NLRP1: variants seen among roughly 807,000 people sequenced by gnomAD.
NLRP1 encodes the protein NACHT, LRR and PYD domains-containing protein 1.
A neutral mutation model predicts 136.7 loss-of-function variants in NLRP1; 94 were observed. The observed-to-expected ratio is 0.69, with a 90% CI of 0.58 to 0.82. NLRP1 has a LOEUF of 0.82. Ranked by LOEUF, NLRP1 falls within the 40% of genes least tolerant of loss-of-function variation. The pLI, the probability that NLRP1 is intolerant of heterozygous loss-of-function variation, is 0.00. For missense variants in NLRP1, 1,575 were observed against 1,802.7 expected (o/e 0.87, Z 2.29); for synonymous variants, 690 against 725.1 (o/e 0.95, Z 0.78).
At chr17:5,543,217 T>A (rs1912108537) in intron 5 of NLRP1, among the ~76,000 whole-genome samples, 1 of 151,968 alleles carries the variant, frequency 6.6e-6, no homozygotes, top group South Asian at 2.1e-4. Flanking sequence ...AATAAATGAA[T>A]GAAATAGCCT....
intron 2 of NLRP1, 99 bp from the exon 3 acceptor site, chr17:5,582,161 TTAA>T (rs777526042): frequency 3.6e-5 from 33 of 928,728 alleles, no homozygotes; most frequent in Non-Finnish European, 5.4e-5. Context: ...GAGATGGGTC[TTAA>T]TAATATTATT....
chr17:5,511,755 C>A (rs1907647441), downstream of NLRP1, among the ~76,000 whole-genome samples: 2 of 142,484 alleles, frequency 1.4e-5, no homozygotes, highest in East Asian at 2.4e-4. Context: ...TTTCTCTTTT[C>A]TTTTTCTTTC....
At position 5,567,783 on chromosome 17, in the gene NLRP1, G is replaced by A. The variant is rs1292131098; in HGVS notation, c.653-7740C>T. Among the ~76,000 whole-genome samples the A allele has an allele frequency of 3.9e-5, 6 of 152,090 alleles. No individual in the cohort carries two copies. In the East Asian group the frequency reaches 7.7e-4, roughly 20 times the overall value. On this transcript the variant is annotated intron_variant, in intron 3 of 16. Transcript: ENST00000572272. ...ATGAAATCCTTCAGCTTTTGTTTGG[G>A]AAAATCTTTATTTCTCCTTCATGTT...
intron 15 of NLRP1, among the ~76,000 whole-genome samples, chr17:5,507,295 T>A (rs986297783): frequency 6.6e-6 from 1 of 152,162 alleles, no homozygotes; most frequent in Non-Finnish European, 1.5e-5. Context: ...TTGTTCTCCC[T>A]CAAACTGTCT....
At chr17:5,572,122 G>A (rs1293133957) in intron 3 of NLRP1, among the ~76,000 whole-genome samples, 3 of 152,126 alleles carry the variant, frequency 2.0e-5, no homozygotes, top group Non-Finnish European at 4.4e-5. Flanking sequence ...AGTCTTAAAC[G>A]TAAAACCTAG....
At chr17:5,578,599 A>C (rs996333321) in intron 3 of NLRP1, among the ~76,000 whole-genome samples, 1 of 152,256 alleles carries the variant, frequency 6.6e-6, no homozygotes, top group African/African-American at 2.4e-5. Context: ...AATATTAAAA[A>C]GTCAGGAAAC....
chr17:5,556,233 T>C (rs1340626742), intron 4 of NLRP1, among the ~76,000 whole-genome samples: 1 of 151,842 alleles, frequency 6.6e-6, no homozygotes, highest in Non-Finnish European at 1.5e-5. Context: ...GCAGCTTGCT[T>C]GAGCCCAGGA....
Position 5,558,811 on chromosome 17 carries a change from A to C in NLRP1, c.1885T>G (p.Phe629Val). 6.2e-7 allele frequency: 1 copy of C among 1,614,178 alleles called. No homozygotes were observed. The highest frequency in any genetic ancestry group is 8.5e-7 in the Non-Finnish European group (1 of 1,180,022). Residue 629 changes from phenylalanine to valine, a missense_variant, in exon 4 of 17, where the codon TTC (phenylalanine) becomes GTC (valine). Physicochemically the swap from Phe to Val is conservative, Grantham distance 50. Coordinates refer to ENST00000572272, the MANE Select transcript of NLRP1 (RefSeq NM_033004.4). ...YSFIHLCFQEFFAAMSYVLED... is the reference protein window; with the variant it reads ...YSFIHLCFQEVFAAMSYVLED... ...AAGACATAGGACATTGCTGCAAAGA[A>C]CTCTTGGAAACAGAGGTGAATGAAG...
Position 5,530,659 on chromosome 17 carries a change from A to C in NLRP1, c.3342T>G (p.Gly1114=). ...CCGCTTCTCTCATCACAAAGCAGAG[A>C]CCCGTGTTGGGCCAGCGGTAGGAGC... ...VAGSYRWPNT[G]LCFVMREAVT... The change falls in exon 12 of 17, where the codon GGT becomes GGG. Residue 1114 remains glycine, a synonymous_variant. Transcript: ENST00000572272. 1 of 1,614,176 alleles carries C rather than the reference A, an allele frequency of 6.2e-7. No homozygotes were observed. Among genetic ancestry groups the C allele is most frequent in the East Asian group, 2.2e-5 (1 of 44,884 alleles).
intron 3 of NLRP1, among the ~76,000 whole-genome samples, chr17:5,562,450 C>G (rs556353230): frequency 1.3e-5 from 2 of 152,300 alleles, no homozygotes; most frequent in Non-Finnish European, 2.9e-5. Context: ...CCTGAAGGAA[C>G]CCCGTTTACC....
chr17:5,505,563 A>G (rs1907291736), intron 15 of NLRP1: 1 of 152,292 alleles, frequency 6.6e-6, no homozygotes, highest in African/African-American at 2.4e-5. Flanking sequence ...CAAAGCACAA[A>G]TTCAAAGATA....
At chr17:5,533,629 T>C (rs1742527193) in intron 9 of NLRP1, among the ~76,000 whole-genome samples, 1 of 143,926 alleles carries the variant, frequency 6.9e-6, no homozygotes, top group African/African-American at 2.6e-5. Context: ...CAGCCAAGAA[T>C]GGAAGAGGCC....
At chr17:5,579,810 A>C (rs778561407) in intron 3 of NLRP1, among the ~76,000 whole-genome samples, 1 of 152,234 alleles carries the variant, frequency 6.6e-6, no homozygotes, top group Non-Finnish European at 1.5e-5. Context: ...CTAACACAGG[A>C]ACAGACAATG....
chr17:5,527,369 G>A (rs1597404593), intron 12 of NLRP1, among the ~76,000 whole-genome samples: 1 of 152,230 alleles, frequency 6.6e-6, no homozygotes, highest in East Asian at 1.9e-4. Flanking sequence ...GGTTGTACAA[G>A]CTTGTGTACG....
chr17:5,567,885 C>T (rs1247472997), intron 3 of NLRP1, among the ~76,000 whole-genome samples: 1 of 152,162 alleles, frequency 6.6e-6, no homozygotes, highest in Non-Finnish European at 1.5e-5. Context: ...TGTCATGCCA[C>T]TCTCTCCTGG....
chr17:5,556,788 T>TA, intron 4 of NLRP1, among the ~76,000 whole-genome samples: 1 of 152,170 alleles, frequency 6.6e-6, no homozygotes, highest in South Asian at 2.1e-4. Context: ...CATTTTCGGC[T>TA]AATTTATGTA....
intron 15 of NLRP1, chr17:5,502,093 CT>C (rs1437271368): frequency 4.7e-5 from 23 of 494,186 alleles, no homozygotes; most frequent in Non-Finnish European, 7.8e-5. Context: ...TTGCCAGGGA[CT>C]TCTTGCATGG....
downstream of NLRP1, among the ~76,000 whole-genome samples, chr17:5,513,808 A>G (rs1907787549): frequency 6.6e-6 from 1 of 152,180 alleles, no homozygotes; most frequent in South Asian, 2.1e-4. Flanking sequence ...TGTGGTAAAG[A>G]AGCCAAAACC....
chr17:5,533,976 C>T lies in NLRP1; in HGVS notation c.2973G>A (p.Val991=), dbSNP rs11654427. The change falls in exon 9 of 17, where the codon GTG becomes GTA. Residue 991 remains valine (V), a synonymous_variant. Transcript: ENST00000572272. The part of the protein sequence containing the change: ...LLIFSRRKPS[V]MTPTEGLDTG... Reference sequence around the variant, plus strand: ...TATCCAGGCCCTCAGTAGGGGTCATCACACTTGGTTTCCTGGACAAAGAAT... The same window carrying T: ...TATCCAGGCCCTCAGTAGGGGTCATTACACTTGGTTTCCTGGACAAAGAAT... The T allele has an allele frequency of 0.012, 18,663 of 1,610,306 alleles. 130 individuals carry two copies. Among genetic ancestry groups the T allele is most frequent in the Non-Finnish European group, 0.013 (15,718 of 1,176,536 alleles).
Sources: allele counts gnomAD v4.1 joint callset (sites outside exome capture counted in the v4.1 genomes callset), GRCh38; gene constraint gnomAD v4.1.1; transcripts MANE v1.5; gene names NCBI Gene and HGNC (gene_info 2026-07-23, HGNC 2026-07-21).